Variants in ATRNL1 observed in about 807,000 individuals in gnomAD.
ATRNL1 encodes the protein attractin like 1.
In ATRNL1, 95 loss-of-function variants were observed where a neutral mutation model predicts 182.7. The ratio of observed to expected loss-of-function variants is 0.52; its 90% CI spans 0.44 to 0.62. The LOEUF is 0.62. ATRNL1 is among the 20% of genes least tolerant of loss of function. The pLI is 0.00. For missense variants in ATRNL1, 1,471 were observed against 1,679.5 expected, an observed-to-expected ratio of 0.88 and a Z score of 2.17; for synonymous variants, 576 against 568.3, an observed-to-expected ratio of 1.01 and a Z score of -0.19.
intron 26 of ATRNL1, among the ~76,000 whole-genome samples, chr10:115,719,877 T>TTTGAGA (rs1287997621): frequency 6.6e-6 from 1 of 151,486 alleles, no homozygotes; most frequent in East Asian, 1.9e-4. Flanking sequence ...TTTTTTTTTT[T>TTTGAGA]TGAGATGGAG....
chr10:115,525,779 A>T (rs137959354), intron 25 of ATRNL1, among the ~76,000 whole-genome samples: 1 of 151,418 alleles, frequency 6.6e-6, no homozygotes, highest in Non-Finnish European at 1.5e-5. Flanking sequence ...AGGGTATTAC[A>T]TCTCTGTGGT....
intron 20 of ATRNL1, among the ~76,000 whole-genome samples, chr10:115,397,193 G>C (rs1287989412): frequency 6.6e-6 from 1 of 151,886 alleles, no homozygotes; most frequent in Non-Finnish European, 1.5e-5. Context: ...TATTAAGTGA[G>C]TACTTGATAC....
chr10:115,736,060 T>C (rs1947940878), intron 27 of ATRNL1, among the ~76,000 whole-genome samples: 1 of 144,088 alleles, frequency 6.9e-6, no homozygotes, highest in Non-Finnish European at 1.5e-5. Context: ...TTGTGCTTCC[T>C]ATATTTGAGG....
At chr10:115,697,931 A>G (rs1946615418) in intron 26 of ATRNL1, among the ~76,000 whole-genome samples, 1 of 152,164 alleles carries the variant, frequency 6.6e-6, no homozygotes, top group South Asian at 2.1e-4. Context: ...ATTTAATGCG[A>G]TATAATTGAT....
intron 8 of ATRNL1, among the ~76,000 whole-genome samples, chr10:115,184,396 ATAAC>A (rs2144183034): frequency 6.6e-6 from 1 of 151,580 alleles, no homozygotes; most frequent in East Asian, 1.9e-4. Context: ...AACTATGTAT[ATAAC>A]TATATATACA....
At chr10:115,637,139 T>C (rs1858925458) in intron 26 of ATRNL1, among the ~76,000 whole-genome samples, 1 of 152,206 alleles carries the variant, frequency 6.6e-6, no homozygotes, top group Non-Finnish European at 1.5e-5. Context: ...TATTATCTGC[T>C]TAAAAGCAAA....
rs1412382325 is a variant in ATRNL1 at position 115,539,633 on chromosome 10, T to C, written c.3717-9825T>C. On this transcript the variant is annotated intron_variant, in intron 25 of 28. Coordinates refer to ENST00000355044, the MANE Select transcript of ATRNL1 (RefSeq NM_207303.4). ...AGGGAACTCTTAAGCTCAGAGAGAA[T>C]GAGGGAGACCTCCCTCCCATTTTTT... Among the ~76,000 whole-genome samples, 3 of 152,176 alleles carry C rather than the reference T, an allele frequency of 2.0e-5. No homozygotes were observed. The East Asian group carries it at 5.8e-4, about 29-fold the overall frequency.
chr10:115,844,746 T>G (rs565315412), intron 27 of ATRNL1, among the ~76,000 whole-genome samples: 2 of 152,074 alleles, frequency 1.3e-5, no homozygotes, highest in Non-Finnish European at 2.9e-5. Flanking sequence ...ACAACGAATA[T>G]GAAAATGCCT....
chr10:115,763,557 A>G (rs1948784828), intron 27 of ATRNL1, among the ~76,000 whole-genome samples: 1 of 152,158 alleles, frequency 6.6e-6, no homozygotes, highest in Non-Finnish European at 1.5e-5. Context: ...CATGGAGCCT[A>G]AGGAAAATGA....
At chr10:115,105,097 T>C (rs1482804480) in intron 1 of ATRNL1, among the ~76,000 whole-genome samples, 1 of 152,208 alleles carries the variant, frequency 6.6e-6, no homozygotes, top group Non-Finnish European at 1.5e-5. Context: ...AAAATGTCAT[T>C]GGCATTTTGA....
rs116014020 is a variant in ATRNL1 at position 115,872,187 on chromosome 10, T to C, written c.4018+24196T>C. The stretch of plus-strand genomic sequence containing the variant: ...CTGAAATTACCGGGACTTGCAGACC[T>C]GCACTACAAGAATACATTTGCTTCC... On this transcript the variant is annotated intron_variant, in intron 28 of 28. Coordinates refer to ENST00000355044, the MANE Select transcript of ATRNL1 (RefSeq NM_207303.4). Among the ~76,000 whole-genome samples the C allele has an allele frequency of 2.4e-3, 365 of 152,348 alleles. 1 individual carries two copies. The highest frequency in any genetic ancestry group is 8.4e-3 in the African/African-American group (351 of 41,584).
intron 24 of ATRNL1, among the ~76,000 whole-genome samples, chr10:115,487,148 G>A (rs1480093314): frequency 1.3e-5 from 2 of 152,130 alleles, no homozygotes; most frequent in Non-Finnish European, 2.9e-5. Flanking sequence ...TAGCCTTGTA[G>A]TATAGTTTGA....
Position 115,286,385 on chromosome 10 carries a change from G to A in ATRNL1, c.2403G>A (p.Lys801=). The A allele has an allele frequency of 1.9e-6, 3 of 1,579,314 alleles. No individual in the cohort carries two copies. Among genetic ancestry groups the A allele is most frequent in the Non-Finnish European group, 1.7e-6 (2 of 1,156,696 alleles). Residue 801 remains lysine (K), a synonymous_variant, in exon 15 of 29, where the codon AAG becomes AAA. Transcript: ENST00000355044. The part of the protein sequence containing the change: ...EVEFVLDEIQ[K]YTQQKVSPWV... ...AATTTGTTCTGGATGAAATACAGAA[G>A]TATACACAACAGGTAACATTTCTAC...
At chr10:115,495,777 G>C (rs1849518865) in intron 24 of ATRNL1, among the ~76,000 whole-genome samples, 1 of 151,888 alleles carries the variant, frequency 6.6e-6, no homozygotes, top group Non-Finnish European at 1.5e-5. Flanking sequence ...GCTATTTGCA[G>C]ATGAGAAGAA....
chr10:115,947,308 G>T lies in ATRNL1; in HGVS notation c.*2529G>T, dbSNP rs185953077. 6.6e-6 allele frequency: 1 copy of T among 152,092 alleles called. No homozygotes were observed. Among genetic ancestry groups the T allele is most frequent in the East Asian group, 1.9e-4 (1 of 5,172 alleles). 9.4% of individuals were successfully genotyped at this position (152,092 alleles called of 1,614,324 possible). ...TATGCAGATACTTTCCCAGAATTTC[G>T]CAGTTAAATGGCTGATCCTCTTGAA... On this transcript the variant is annotated 3_prime_UTR_variant, in exon 29 of 29. Transcript: ENST00000355044.
At chr10:115,369,888 T>C (rs917645037) in intron 19 of ATRNL1, among the ~76,000 whole-genome samples, 1 of 152,244 alleles carries the variant, frequency 6.6e-6, no homozygotes, top group Non-Finnish European at 1.5e-5. Context: ...GAAGTGTCTT[T>C]TCATGTCCTG....
chr10:115,664,489 G>A (rs573574769), intron 26 of ATRNL1, among the ~76,000 whole-genome samples: 90 of 152,210 alleles, frequency 5.9e-4, no homozygotes, highest in African/African-American at 2.0e-3. Flanking sequence ...TGTTCAAGAT[G>A]AGTCAGTATT....
intron 18 of ATRNL1, among the ~76,000 whole-genome samples, chr10:115,329,871 A>T (rs1367690489): frequency 6.6e-6 from 1 of 152,140 alleles, no homozygotes; most frequent in African/African-American, 2.4e-5. Flanking sequence ...AGCCCTTTAC[A>T]TTCAAGGTAA....
Position 115,266,678 on chromosome 10 carries a change from C to G in ATRNL1, c.1773-119C>G. Reference sequence around the variant, plus strand: ...ATATGATTTTAAAGAACAGTACTAACAGAAGTACTTAAAATAGTATAAAAT... The same window carrying G: ...ATATGATTTTAAAGAACAGTACTAAGAGAAGTACTTAAAATAGTATAAAAT... On this transcript the variant is annotated intron_variant, in intron 11 of 28. Coordinates refer to ENST00000355044, the MANE Select transcript of ATRNL1 (RefSeq NM_207303.4). The G allele has an allele frequency of 5.3e-6, 3 of 560,860 alleles. No individual in the cohort carries two copies. The East Asian group carries it at 8.6e-5, about 16-fold the overall frequency. 34.7% of individuals were successfully genotyped at this position (560,860 alleles called of 1,614,324 possible). A position where few individuals can be genotyped will look rare whatever the true frequency, so the allele number is the denominator to read the frequency against.
Sources: allele counts gnomAD v4.1 joint callset (sites outside exome capture counted in the v4.1 genomes callset), GRCh38; gene constraint gnomAD v4.1.1; transcripts MANE v1.5; gene names NCBI Gene and HGNC (gene_info 2026-07-23, HGNC 2026-07-21).